The following ZC3H7A variants were observed in gnomAD, a reference collection of about 807,000 sequenced individuals.
The protein encoded by ZC3H7A is zinc finger CCCH domain-containing protein 7A.
Under a neutral mutation model 125.5 loss-of-function variants are expected in ZC3H7A, and 44 were observed. The observed-to-expected ratio is 0.35, with a 90% CI of 0.28 to 0.45. The LOEUF (loss-of-function observed/expected upper bound fraction) is 0.45, where lower values mean the gene tolerates loss of function less well. Ranked by LOEUF, ZC3H7A falls within the 20% of genes least tolerant of loss-of-function variation. The pLI is 1.00. For missense variants in ZC3H7A, 977 were observed against 1,170.7 expected, an observed-to-expected ratio of 0.83 and a Z score of 2.41; for synonymous variants, 399 against 391.2, an observed-to-expected ratio of 1.02 and a Z score of -0.23.
At chr16:11,762,600 CCAA>C (rs1306427330) in intron 17 of ZC3H7A, 68 bp downstream of exon 17, 10 of 1,441,630 alleles carry the variant, frequency 6.9e-6, no homozygotes, top group Non-Finnish European at 8.8e-6. Context: ...ACTGCATCCA[CCAA>C]CAACCAACAT....
At chr16:11,788,634 G>A (rs1258885187) in intron 1 of ZC3H7A, among the ~76,000 whole-genome samples, 6 of 143,548 alleles carry the variant, frequency 4.2e-5, no homozygotes, top group Admixed American at 2.8e-4. Flanking sequence ...TTTTTTTTGA[G>A]ACGCAGTCTC....
At chr16:11,781,311 A>G (rs2053169931) in intron 3 of ZC3H7A, 114 bp downstream of exon 3, 1 of 881,882 alleles carries the variant, frequency 1.1e-6, no homozygotes, top group Admixed American at 2.5e-5. Flanking sequence ...AATAAAATAA[A>G]AGGACAGCAG....
At chr16:11,778,032 A>C (rs1472766533) in intron 4 of ZC3H7A, among the ~76,000 whole-genome samples, 1 of 152,014 alleles carries the variant, frequency 6.6e-6, no homozygotes, top group Non-Finnish European at 1.5e-5. Context: ...AAAAAAAAAA[A>C]AAAAGTTTTA....
chr16:11,794,025 C>T (rs1206667610), intron 1 of ZC3H7A, among the ~76,000 whole-genome samples: 2 of 152,230 alleles, frequency 1.3e-5, no homozygotes, highest in Non-Finnish European at 2.9e-5. Flanking sequence ...AAGAGCCTCC[C>T]TCGGCACCCA....
intron 20 of ZC3H7A, 62 bp downstream of exon 20, chr16:11,758,369 A>T: frequency 1.6e-6 from 2 of 1,239,714 alleles, no homozygotes; most frequent in Non-Finnish European, 2.4e-6. Flanking sequence ...TGGCATATTT[A>T]TAGAGAGGAA....
intron 9 of ZC3H7A, 92 bp downstream of exon 9, chr16:11,774,144 A>G (rs2053039042): frequency 7.9e-7 from 1 of 1,266,990 alleles, no homozygotes; most frequent in Non-Finnish European, 1.0e-6. Flanking sequence ...TTCAGCCTAT[A>G]TGCAATACTG....
intron 12 of ZC3H7A, 50 bp downstream of exon 12, chr16:11,768,265 G>C (rs750067481): frequency 7.3e-7 from 1 of 1,369,446 alleles, no homozygotes; most frequent in Admixed American, 2.7e-5. Flanking sequence ...GAACTTTCAA[G>C]GTTATGAGCA....
chr16:11,772,072 T>G (rs1300260399), intron 9 of ZC3H7A, among the ~76,000 whole-genome samples: 1 of 151,870 alleles, frequency 6.6e-6, no homozygotes, highest in Non-Finnish European at 1.5e-5. Flanking sequence ...AGCGGGCACC[T>G]GTAATCTCAG....
intron 4 of ZC3H7A, among the ~76,000 whole-genome samples, 159 bp downstream of exon 4, chr16:11,779,007 C>T (rs1366769488): frequency 6.6e-6 from 1 of 152,036 alleles, no homozygotes; most frequent in Admixed American, 6.6e-5. Flanking sequence ...CCACCGTGCC[C>T]GGCCAATCCA....
chr16:11,788,387 T>C (rs559038460), intron 1 of ZC3H7A, among the ~76,000 whole-genome samples: 1 of 152,284 alleles, frequency 6.6e-6, no homozygotes, highest in South Asian at 2.1e-4. Context: ...AACTCTCACG[T>C]CCATCCCCAG....
At position 11,758,715 on chromosome 16, in the gene ZC3H7A, AT is replaced by A. The variant is rs370666502; in HGVS notation, c.2320-177del. On this transcript the variant is annotated intron_variant, in intron 19 of 22. Coordinates refer to ENST00000355758, the MANE Select transcript of ZC3H7A (RefSeq NM_014153.4). ...CTATATGCTCTAAATATATGAAATGATATTAAGGTTTCTATCTCAAAATTTT... is the reference window on the plus strand; with the variant it reads ...CTATATGCTCTAAATATATGAAATGAATTAAGGTTTCTATCTCAAAATTTT... The A allele has an allele frequency of 2.5e-5, 14 of 558,332 alleles. No individual in the cohort carries two copies. In the African/African-American group the frequency reaches 2.7e-4, roughly 11 times the overall value. The allele number at this position is 558,332 out of a possible 1,614,324, so 34.6% of individuals were successfully genotyped here.
chr16:11,774,355 T>C lies in ZC3H7A; in HGVS notation c.784A>G (p.Asn262Asp), dbSNP rs144158806. 467 of 1,613,908 alleles carry C rather than the reference T, an allele frequency of 2.9e-4. 1 individual carries two copies. The highest frequency in any genetic ancestry group is 4.3e-5 in the Non-Finnish European group (51 of 1,179,968). The change falls in exon 9 of 23, where the codon AAT (asparagine) becomes GAT (aspartate). Residue 262 changes from asparagine to aspartate, a missense_variant. Physicochemically the swap from Asn to Asp is conservative, Grantham distance 23. Coordinates refer to ENST00000355758, the MANE Select transcript of ZC3H7A (RefSeq NM_014153.4). Reference sequence around the variant, plus strand: ...ATAGTGAAGGGCATCTTTCCTCCATTTGCCAGCACTGCAGATGGCAGAGCG... The same window carrying C: ...ATAGTGAAGGGCATCTTTCCTCCATCTGCCAGCACTGCAGATGGCAGAGCG... ...ESALPSAVLA[N>D]GGKMPFTMPE... is the part of the protein sequence containing the mutation.
At position 11,779,306 on chromosome 16, in the gene ZC3H7A, C is replaced by G; in HGVS notation, c.166G>C (p.Glu56Gln). The change falls in exon 4 of 23, where the codon GAA (glutamate) becomes CAA (glutamine). Residue 56 changes from glutamate to glutamine, a missense_variant. Coordinates refer to ENST00000355758, the MANE Select transcript of ZC3H7A (RefSeq NM_014153.4). ...LFNEGNDVYR[E>Q]HDWNNSISQY... ...CTTATCGAGTTGTTCCAATCATGTT[C>G]CCGATAAACGTCATTTCCTTCATTA... The G allele has an allele frequency of 6.2e-7, 1 of 1,613,990 alleles. No homozygotes were observed. The highest frequency in any genetic ancestry group is 8.5e-7 in the Non-Finnish European group (1 of 1,179,994).
At position 11,776,926 on chromosome 16, in the gene ZC3H7A, A is replaced by T. The variant is rs766322118; in HGVS notation, c.307-17T>A. The T allele has an allele frequency of 6.5e-7, 1 of 1,549,586 alleles. No individual in the cohort carries two copies. The highest frequency in any genetic ancestry group is 8.7e-7 in the Non-Finnish European group (1 of 1,151,932). On this transcript the variant is annotated splice_polypyrimidine_tract_variant and intron_variant, in intron 4 of 22. Coordinates refer to ENST00000355758, the MANE Select transcript of ZC3H7A (RefSeq NM_014153.4). ...ATGGAAACCCTGGTGTGTAAGACCA[A>T]AGAATAAAGTCAGCAATCAAACAAT... is the stretch of plus-strand genomic sequence containing the variant.
At chr16:11,780,734 C>CA (rs1195506694) in intron 3 of ZC3H7A, among the ~76,000 whole-genome samples, 4 of 151,902 alleles carry the variant, frequency 2.6e-5, no homozygotes, top group Non-Finnish European at 4.4e-5. Context: ...AGAGAGGCAG[C>CA]AAGAAAGTGA....
chr16:11,779,918 C>A (rs1206246769), intron 3 of ZC3H7A, among the ~76,000 whole-genome samples: 1 of 151,550 alleles, frequency 6.6e-6, no homozygotes, highest in Non-Finnish European at 1.5e-5. Flanking sequence ...CATGTCTTTA[C>A]CAGTGAAGTT....
At chr16:11,777,513 G>A (rs1213031357) in intron 4 of ZC3H7A, among the ~76,000 whole-genome samples, 1 of 152,142 alleles carries the variant, frequency 6.6e-6, no homozygotes, top group African/African-American at 2.4e-5. Flanking sequence ...CTGAGGTCAG[G>A]AGTTCGAGAC....
In ZC3H7A at chr16:11,768,438, T is replaced by A; in HGVS notation, c.1237A>T (p.Asn413Tyr). 2 of 1,575,234 alleles carry A rather than the reference T, an allele frequency of 1.3e-6. No individual in the cohort carries two copies. Among genetic ancestry groups the A allele is most frequent in the Non-Finnish European group, 1.7e-6 (2 of 1,154,518 alleles). ...CTTCCAAAAAAGTTTCCAAAGTCAT[T>A]TCTAGGCTGACTTGAAATTCCCAGG... is the stretch of plus-strand genomic sequence containing the variant. The part of the protein sequence containing the change: ...NFLGISSQPR[N>Y]DFGNFFGSAV... The change falls in exon 12 of 23, where the codon AAT (asparagine) becomes TAT (tyrosine). Residue 413 changes from asparagine (N) to tyrosine (Y), a missense_variant. Asn to Tyr is a moderately radical substitution (Grantham distance 143). Around this residue, in one of 3 missense-constraint regions of ZC3H7A, gnomAD observed 342 missense variants for 311.3 expected, o/e 1.10. Coordinates refer to ENST00000355758, the MANE Select transcript of ZC3H7A (RefSeq NM_014153.4).
At chr16:11,764,865 T>C (rs1180777599) in intron 15 of ZC3H7A, 188 bp downstream of exon 15, 3 of 465,364 alleles carry the variant, frequency 6.4e-6, no homozygotes, top group East Asian at 7.7e-5. Flanking sequence ...TTACATAATA[T>C]ATTTAGTTAA....
Sources: gnomAD v4.1 joint callset for allele counts (sites outside exome capture counted in the v4.1 genomes callset) on GRCh38, gnomAD v4.1.1 for gene constraint, gnomAD v4.1.1 regional missense constraint, MANE v1.5 for transcripts, NCBI Gene and HGNC (gene_info 2026-07-23, HGNC 2026-07-21) for gene names.